KIAA0586: variants seen among roughly 807,000 people sequenced by gnomAD.
KIAA0586 encodes KIAA0586.
KIAA0586 carries 144 observed loss-of-function variants against 169.8 expected under a neutral mutation model. The observed-to-expected ratio is 0.85, with a 90% CI of 0.74 to 0.97. The LOEUF is 0.97. Ranked by LOEUF, KIAA0586 falls within the 50% of genes least tolerant of loss-of-function variation. The pLI is 0.00. For synonymous variants in KIAA0586, 625 were observed against 612.4 expected (o/e 1.02, Z -0.30); for missense variants, 1,854 against 1,823.0 (o/e 1.02, Z -0.31).
intron 29 of KIAA0586, among the ~76,000 whole-genome samples, chr14:58,538,543 T>C (rs964163666): frequency 6.6e-6 from 1 of 152,186 alleles, no homozygotes; most frequent in African/African-American, 2.4e-5. Flanking sequence ...TCAGGGTAAA[T>C]GGAGTATGCA....
intron 29 of KIAA0586, chr14:58,521,604 G>C: frequency 1.9e-6 from 2 of 1,037,800 alleles, no homozygotes; most frequent in East Asian, 2.5e-5. Flanking sequence ...AATTCTAAGA[G>C]AGGACAGCGG....
chr14:58,439,021 A>G (rs902497394), intron 4 of KIAA0586, among the ~76,000 whole-genome samples: 1 of 152,222 alleles, frequency 6.6e-6, no homozygotes, highest in Admixed American at 6.5e-5. Flanking sequence ...ATGAAACCTT[A>G]CGGTTGAGAG....
chr14:58,525,153 A>G (rs1183646481), intron 29 of KIAA0586, among the ~76,000 whole-genome samples: 1 of 152,226 alleles, frequency 6.6e-6, no homozygotes, highest in Admixed American at 6.5e-5. Context: ...GAAATGCTAA[A>G]GATGGTACAT....
At chr14:58,541,330 C>A (rs971663201) in intron 30 of KIAA0586, among the ~76,000 whole-genome samples, 6 of 152,334 alleles carry the variant, frequency 3.9e-5, no homozygotes, top group African/African-American at 1.2e-4. Context: ...AACAGACTTA[C>A]AAGTTAGTAA....
At chr14:58,461,879 T>C (rs2040351049) in intron 14 of KIAA0586, among the ~76,000 whole-genome samples, 1 of 152,232 alleles carries the variant, frequency 6.6e-6, no homozygotes, top group Non-Finnish European at 1.5e-5. Context: ...CTGTGTATTT[T>C]GAGTCACATC....
At chr14:58,537,042 C>CA (rs1177213703) in intron 29 of KIAA0586, 2 of 1,266,868 alleles carry the variant, frequency 1.6e-6, no homozygotes, top group Admixed American at 4.8e-5. Flanking sequence ...TAAGAACTGA[C>CA]AAACTTGAGA....
chr14:58,528,134 A>T (rs1193412734), intron 29 of KIAA0586, among the ~76,000 whole-genome samples: 1 of 152,246 alleles, frequency 6.6e-6, no homozygotes, highest in Non-Finnish European at 1.5e-5. Context: ...TAAAGGGATC[A>T]ATGCGACAAG....
At chr14:58,444,844 A>G (rs1341996984) in intron 6 of KIAA0586, among the ~76,000 whole-genome samples, 1 of 150,950 alleles carries the variant, frequency 6.6e-6, no homozygotes, top group East Asian at 1.9e-4. Context: ...TGGCAGGCCA[A>G]GCTAAGAGGA....
intron 18 of KIAA0586, among the ~76,000 whole-genome samples, chr14:58,472,772 A>T (rs1169657297): frequency 2.0e-5 from 3 of 151,458 alleles, no homozygotes; most frequent in African/African-American, 7.3e-5. Flanking sequence ...ATGGGACAAA[A>T]GATCATAGAA....
At chr14:58,449,268 G>C (rs920133525) in intron 7 of KIAA0586, among the ~76,000 whole-genome samples, 2 of 152,262 alleles carry the variant, frequency 1.3e-5, no homozygotes, top group African/African-American at 4.8e-5. Context: ...TTACAAAACT[G>C]TTGTGCCCAG....
intron 21 of KIAA0586, among the ~76,000 whole-genome samples, chr14:58,484,890 TTA>T (rs2042278433): frequency 2.8e-4 from 9 of 32,288 alleles, no homozygotes; most frequent in African/African-American, 1.2e-3. Flanking sequence ...ATATATATAT[TTA>T]TATATATATA....
intron 18 of KIAA0586, 129 bp from the exon 19 acceptor site, chr14:58,474,478 C>T (rs2041455160): frequency 1.7e-6 from 1 of 573,152 alleles, no homozygotes; most frequent in South Asian, 2.7e-5. Context: ...TGTGATACCA[C>T]CTAATTAGAA....
intron 27 of KIAA0586, among the ~76,000 whole-genome samples, chr14:58,500,875 A>G (rs757799510): frequency 6.6e-5 from 10 of 152,214 alleles, no homozygotes; most frequent in Non-Finnish European, 1.3e-4. Context: ...GAGAGCTGGA[A>G]TAAGGTGGAA....
At chr14:58,501,292 C>T (rs1427649834) in intron 27 of KIAA0586, among the ~76,000 whole-genome samples, 1 of 152,180 alleles carries the variant, frequency 6.6e-6, no homozygotes, top group Non-Finnish European at 1.5e-5. Context: ...ATTTTGTACA[C>T]ATAATGAGAG....
Position 58,550,982 on chromosome 14 carries a change from A to G in KIAA0586, c.*3050A>G, listed in dbSNP as rs1336666418. 1 of 152,260 alleles carries G rather than the reference A, an allele frequency of 6.6e-6. No individual in the cohort carries two copies. Among genetic ancestry groups the G allele is most frequent in the Non-Finnish European group, 1.5e-5 (1 of 68,172 alleles). The allele number at this position is 152,260 out of a possible 1,614,324, so 9.4% of individuals were successfully genotyped here. A position where few individuals can be genotyped will look rare whatever the true frequency, so the allele number is the denominator to read the frequency against. On this transcript the variant is annotated 3_prime_UTR_variant, in exon 31 of 31. Coordinates refer to ENST00000652326, the MANE Select transcript of KIAA0586 (RefSeq NM_001329943.3). ...GGCAGGCAGATCACCCAAGGTTAGG[A>G]GTTCAAGACCAGTCTGGCCAACATG...
chr14:58,485,479 A>G (rs1484305383), intron 21 of KIAA0586, among the ~76,000 whole-genome samples: 1 of 152,212 alleles, frequency 6.6e-6, no homozygotes. Flanking sequence ...ATCTGGCAAT[A>G]TCTATTCAAA....
At chr14:58,457,614 A>G in intron 10 of KIAA0586, 145 bp from the exon 11 acceptor site, 1 of 585,790 alleles carries the variant, frequency 1.7e-6, no homozygotes, top group African/African-American at 1.9e-5. Context: ...ATTGCCAAGT[A>G]TTCTTTTGTA....
intron 30 of KIAA0586, among the ~76,000 whole-genome samples, chr14:58,546,916 C>G (rs1285164055): frequency 6.6e-6 from 1 of 151,998 alleles, no homozygotes; most frequent in Non-Finnish European, 1.5e-5. Flanking sequence ...AAATGCTTTC[C>G]AAAGTCAAGT....
At chr14:58,523,589 G>T (rs1285836195) in intron 29 of KIAA0586, among the ~76,000 whole-genome samples, 1 of 151,966 alleles carries the variant, frequency 6.6e-6, no homozygotes. Context: ...ATACAGATTT[G>T]ATAAAAATCT....
Sources: gnomAD v4.1 joint callset for allele counts (sites outside exome capture counted in the v4.1 genomes callset) on GRCh38, gnomAD v4.1.1 for gene constraint, MANE v1.5 for transcripts, NCBI Gene and HGNC (gene_info 2026-07-23, HGNC 2026-07-21) for gene names.